Variants in POC1A observed in about 807,000 individuals in gnomAD.
POC1A encodes POC1 centriolar protein homolog A.
Under a neutral mutation model 47.8 loss-of-function variants are expected in POC1A, and 34 were observed. The observed-to-expected ratio is 0.71, with a 90% CI of 0.54 to 0.95. The LOEUF (loss-of-function observed/expected upper bound fraction) is 0.95, where lower values mean the gene tolerates loss of function less well. POC1A is among the 40% of genes least tolerant of loss of function. The probability of loss-of-function intolerance (pLI) is 0.00; values close to 1 mark genes in which losing one functional copy is unlikely to be tolerated. For missense variants in POC1A, 466 were observed against 528.3 expected (o/e 0.88, Z 1.16); for synonymous variants, 177 against 207.6 (o/e 0.85, Z 1.27).
intron 9 of POC1A, among the ~76,000 whole-genome samples, chr3:52,119,222 C>T (rs1430203046): frequency 6.6e-6 from 1 of 152,012 alleles, no homozygotes; most frequent in Admixed American, 6.6e-5. Flanking sequence ...CACCTCATCC[C>T]CGTGCTCCTC....
At chr3:52,131,941 C>A (rs1704229586) in intron 7 of POC1A, among the ~76,000 whole-genome samples, 1 of 152,132 alleles carries the variant, frequency 6.6e-6, no homozygotes. Context: ...ACCCGTTTTT[C>A]TAACAAATGG....
At chr3:52,112,627 G>C (rs915035625) in intron 9 of POC1A, among the ~76,000 whole-genome samples, 29 of 152,278 alleles carry the variant, frequency 1.9e-4, no homozygotes, top group African/African-American at 6.5e-4. Flanking sequence ...GGGTGACAGA[G>C]CAAGACACTG....
chr3:52,075,919 G>C lies in POC1A; in HGVS notation c.1192C>G (p.Gln398Glu), dbSNP rs759709979. The C allele has an allele frequency of 6.2e-7, 1 of 1,613,926 alleles. No homozygotes were observed. The highest frequency in any genetic ancestry group is 1.1e-5 in the South Asian group (1 of 91,074). Residue 398 changes from glutamine (Q) to glutamate (E), a missense_variant, in exon 11 of 11, where the codon CAG (glutamine) becomes GAG (glutamate). Transcript: ENST00000296484. ...EDKLKQCLENQQLIMQRATP is the reference protein window; with the variant it reads ...EDKLKQCLENEQLIMQRATP ...GTTGCTCTCTGCATGATTAGCTGCT[G>C]GTTCTCCAGACACTGCTTCAGCTTG...
At chr3:52,151,179 A>G (rs935874613) in intron 1 of POC1A, 79 bp from the exon 2 acceptor site, 1 of 1,596,430 alleles carries the variant, frequency 6.3e-7, no homozygotes. Context: ...TTCCTACAAC[A>G]GCCGGGGGAG....
intron 9 of POC1A, among the ~76,000 whole-genome samples, chr3:52,100,713 T>C (rs780661837): frequency 6.6e-6 from 1 of 151,922 alleles, no homozygotes; most frequent in Non-Finnish European, 1.5e-5. Flanking sequence ...CTTGCACCCA[T>C]GCACAGGTTC....
At chr3:52,076,178 C>G (rs966848562) in intron 10 of POC1A, among the ~76,000 whole-genome samples, 193 bp from the exon 11 acceptor site, 1 of 152,190 alleles carries the variant, frequency 6.6e-6, no homozygotes, top group Non-Finnish European at 1.5e-5. Flanking sequence ...GTCTGCTTCT[C>G]CTGGCTCTGG....
chr3:52,138,387 A>G, intron 6 of POC1A, 85 bp from the exon 7 acceptor site: 1 of 1,431,684 alleles, frequency 7.0e-7, no homozygotes, highest in Non-Finnish European at 9.6e-7. Context: ...GGGCCAATCG[A>G]GGCTCAGCAC....
chr3:52,137,750 A>G (rs1217314112), intron 7 of POC1A, among the ~76,000 whole-genome samples: 1 of 152,188 alleles, frequency 6.6e-6, no homozygotes, highest in Non-Finnish European at 1.5e-5. Flanking sequence ...TCTTTGTCCC[A>G]GCCTCTGCAA....
intron 9 of POC1A, among the ~76,000 whole-genome samples, chr3:52,110,021 AT>A (rs1394581069): frequency 6.6e-6 from 1 of 152,166 alleles, no homozygotes; most frequent in East Asian, 1.9e-4. Context: ...AAACTGACAA[AT>A]AAGGCCAGAA....
chr3:52,151,756 T>G (rs914235786), intron 1 of POC1A, among the ~76,000 whole-genome samples: 9 of 152,120 alleles, frequency 5.9e-5, no homozygotes, highest in African/African-American at 1.9e-4. Flanking sequence ...GACTTACTAT[T>G]GTTAAGATAC....
At position 52,122,487 on chromosome 3, in the gene POC1A, C is replaced by A; in HGVS notation, c.883-10G>T. Reference sequence around the variant, plus strand: ...TCTTCCAAACCATCACCTGCCAAAACCAACAGGCACACCAAGTCAGGAGAA... The same window carrying A: ...TCTTCCAAACCATCACCTGCCAAAAACAACAGGCACACCAAGTCAGGAGAA... On this transcript the variant is annotated splice_polypyrimidine_tract_variant and intron_variant, in intron 8 of 10. Coordinates refer to ENST00000296484, the MANE Select transcript of POC1A (RefSeq NM_015426.5). 6.6e-7 allele frequency: 1 copy of A among 1,525,498 alleles called. No individual in the cohort carries two copies. 94.5% of individuals were successfully genotyped at this position (1,525,498 alleles called of 1,614,324 possible).
chr3:52,145,286 G>A (rs1039912432), intron 6 of POC1A, among the ~76,000 whole-genome samples: 12 of 152,088 alleles, frequency 7.9e-5, no homozygotes, highest in African/African-American at 1.9e-4. Flanking sequence ...CCCACTGCCC[G>A]CCACCCTGCC....
intron 10 of POC1A, among the ~76,000 whole-genome samples, chr3:52,091,661 A>ACC (rs1702651981): frequency 6.6e-6 from 1 of 152,114 alleles, no homozygotes; most frequent in African/African-American, 2.4e-5. Context: ...GCAACTCAAA[A>ACC]GCATTTCTGG....
chr3:52,150,977 G>A (rs1216832858), intron 2 of POC1A, 39 bp downstream of exon 2: 1 of 1,606,624 alleles, frequency 6.2e-7, no homozygotes, highest in Non-Finnish European at 8.5e-7. Context: ...GGCCTGTTCA[G>A]CTCATAACCT....
chr3:52,153,785 C>T (rs1022996119), intron 1 of POC1A, among the ~76,000 whole-genome samples: 13 of 152,376 alleles, frequency 8.5e-5, no homozygotes, highest in African/African-American at 3.1e-4. Context: ...CGTCCATGTC[C>T]TCAAGTGCCT....
intron 10 of POC1A, among the ~76,000 whole-genome samples, chr3:52,081,382 C>T (rs13314125): frequency 0.092 from 14,040 of 152,194 alleles, 770 homozygotes; most frequent in African/African-American, 0.13. Flanking sequence ...ACCTCCCCAA[C>T]GCTGGCCTGT....
intron 10 of POC1A, among the ~76,000 whole-genome samples, chr3:52,089,577 G>A (rs1393564326): frequency 1.3e-5 from 2 of 152,120 alleles, no homozygotes; most frequent in Non-Finnish European, 2.9e-5. Context: ...ATGCAGAGAG[G>A]GGGCCCATTT....
chr3:52,141,228 C>G (rs1443924022), intron 6 of POC1A, among the ~76,000 whole-genome samples: 1 of 152,230 alleles, frequency 6.6e-6, no homozygotes, highest in Non-Finnish European at 1.5e-5. Flanking sequence ...CCTGAGTACA[C>G]CCACTCCATG....
intron 7 of POC1A, among the ~76,000 whole-genome samples, chr3:52,136,862 C>T (rs1420318268): frequency 6.6e-6 from 1 of 152,232 alleles, no homozygotes; most frequent in African/African-American, 2.4e-5. Context: ...CGTGAGTTAG[C>T]TGTTTAAAGA....
Sources: gnomAD v4.1 joint callset for allele counts (sites outside exome capture counted in the v4.1 genomes callset) on GRCh38, gnomAD v4.1.1 for gene constraint, MANE v1.5 for transcripts, NCBI Gene and HGNC (gene_info 2026-07-23, HGNC 2026-07-21) for gene names.